NSD2: variants seen among roughly 807,000 people sequenced by gnomAD.
NSD2 encodes the protein histone-lysine N-methyltransferase NSD2.
In NSD2, 12 loss-of-function variants were observed where a neutral mutation model predicts 139.0. That is an observed-to-expected ratio of 0.09 (90% confidence interval 0.06 to 0.14). NSD2 has a LOEUF of 0.14. Among genes scored for constraint, NSD2 ranks in the 10% least tolerant of loss-of-function variants. The pLI, the probability that NSD2 is intolerant of heterozygous loss-of-function variation, is 1.00. For missense variants in NSD2, 1,155 were observed against 1,745.0 expected (o/e 0.66, Z 6.02); for synonymous variants, 669 against 648.7 (o/e 1.03, Z -0.48).
chr4:1,959,747 G>A lies in NSD2; in HGVS notation c.3255+7G>A, dbSNP rs370075112. On this transcript the variant is annotated splice_region_variant and intron_variant, in intron 17 of 21. Transcript: ENST00000508803. ...CAAGAGGGACATCAGAAAGGTATGT[G>A]TCGTTATCCCCTCCCCTGCTTTTGA... 50 of 1,609,212 alleles carry A rather than the reference G, an allele frequency of 3.1e-5. No homozygotes were observed. The highest frequency in any genetic ancestry group is 3.7e-5 in the Non-Finnish European group (44 of 1,175,858).
chr4:1,941,830 T>A, intron 9 of NSD2: 1 of 1,054,670 alleles, frequency 9.5e-7, no homozygotes, highest in Non-Finnish European at 1.1e-6. Context: ...CTATTATATA[T>A]TAACGCGACT....
chr4:1,896,165 A>T (rs1716267965), intron 1 of NSD2, among the ~76,000 whole-genome samples: 1 of 152,220 alleles, frequency 6.6e-6, no homozygotes, highest in African/African-American at 2.4e-5. Context: ...TAATCACGGC[A>T]GCCAGCTGCT....
intron 18 of NSD2, among the ~76,000 whole-genome samples, chr4:1,969,921 A>G (rs1350833649): frequency 1.3e-5 from 2 of 152,206 alleles, no homozygotes; most frequent in Non-Finnish European, 2.9e-5. Flanking sequence ...AAAGAAAATT[A>G]TTTTCTAAGC....
At chr4:1,965,800 A>G (rs1351932300) in intron 18 of NSD2, among the ~76,000 whole-genome samples, 1 of 152,200 alleles carries the variant, frequency 6.6e-6, no homozygotes, top group African/African-American at 2.4e-5. Context: ...AGAGCCCAGG[A>G]AAAACTACCA....
At chr4:1,946,186 G>T in intron 9 of NSD2, 2 of 1,020,138 alleles carry the variant, frequency 2.0e-6, no homozygotes, top group East Asian at 6.6e-5. Context: ...ATTAGAAAAG[G>T]TTTCTTAAAA....
rs146198922 is a variant in NSD2 at position 1,956,956 on chromosome 4, TAA to T, written c.2881+770_2881+771del. Among the ~76,000 whole-genome samples the T allele has an allele frequency of 4.4e-4, 67 of 152,308 alleles. 1 individual carries two copies. In the East Asian group the frequency reaches 0.011, roughly 26 times the overall value. On this transcript the variant is annotated intron_variant, in intron 15 of 21. Transcript: ENST00000508803. The surrounding 1 kb of genome is among the most constrained non-coding windows in gnomAD (Gnocchi z 5.3). The stretch of plus-strand genomic sequence containing the variant: ...GCATGGTGGGCATTCAGAGATCTCA[TAA>T]AGAATGGGTAGGCATTGAAAGATTT...
chr4:1,970,218 C>CA (rs1013369594), intron 18 of NSD2, among the ~76,000 whole-genome samples: 57 of 151,814 alleles, frequency 3.8e-4, no homozygotes, highest in African/African-American at 1.0e-3. Flanking sequence ...GATACCCAGG[C>CA]AAAAAAACAA....
At position 1,958,115 on chromosome 4, in the gene NSD2, G is replaced by A. The variant is rs865953282; in HGVS notation, c.2985+79G>A. ...GTGAGAGGTTCTTAGGCACACCCAG[G>A]CTATGGCTGGGGAGAGGACTGTCAC... On this transcript the variant is annotated intron_variant, in intron 16 of 21. Coordinates refer to ENST00000508803, the MANE Select transcript of NSD2 (RefSeq NM_001042424.3). The surrounding 1 kb of genome is among the most constrained non-coding windows in gnomAD (Gnocchi z 4.6). 6.9e-4 allele frequency: 979 copies of A among 1,418,626 alleles called. 19 individuals are homozygous for A. Among genetic ancestry groups the A allele is most frequent in the Middle Eastern group, 2.5e-4 (1 of 4,050 alleles). The allele number at this position is 1,418,626 out of a possible 1,614,324, so 87.9% of individuals were successfully genotyped here. A position where few individuals can be genotyped will look rare whatever the true frequency, so the allele number is the denominator to read the frequency against.
chr4:1,976,326 G>C lies in NSD2; in HGVS notation c.3622-149G>C, dbSNP rs1727076183. On this transcript the variant is annotated intron_variant, in intron 20 of 21. Coordinates refer to ENST00000508803, the MANE Select transcript of NSD2 (RefSeq NM_001042424.3). This position sits in a 1 kb window ranked among gnomAD's most constrained non-coding sequence, Gnocchi z 5.3. ...GAGTGAGTCTAAGGATGTCTGGGGAGCACGAGGAGGACACTCCTCTCCTCT... is the reference window on the plus strand; with the variant it reads ...GAGTGAGTCTAAGGATGTCTGGGGACCACGAGGAGGACACTCCTCTCCTCT... 1.3e-6 allele frequency: 1 copy of C among 793,520 alleles called. No homozygotes were observed. The highest frequency in any genetic ancestry group is 1.8e-5 in the South Asian group (1 of 55,738). 49.2% of individuals were successfully genotyped at this position (793,520 alleles called of 1,614,324 possible).
In NSD2 at chr4:1,916,923, A is replaced by C; in HGVS notation, c.813A>C (p.Pro271=). 6.2e-7 allele frequency: 1 copy of C among 1,614,206 alleles called. No individual in the cohort carries two copies. The highest frequency in any genetic ancestry group is 8.5e-7 in the Non-Finnish European group (1 of 1,180,026). Residue 271 remains proline, a synonymous_variant, in exon 4 of 22, where the codon CCA becomes CCC. Coordinates refer to ENST00000508803, the MANE Select transcript of NSD2 (RefSeq NM_001042424.3). ...QYHVQFFGDA[P]ERAWIFEKSL... is the part of the protein sequence containing the mutation. ...ACGTACAGTTCTTTGGTGACGCCCC[A>C]GAAAGAGCTTGGATATTTGAGAAGA...
chr4:1,944,331 T>C, intron 9 of NSD2: 2 of 1,066,226 alleles, frequency 1.9e-6, no homozygotes, highest in Non-Finnish European at 2.3e-6. Flanking sequence ...TTGCCAAGAG[T>C]ACAGAAATTC....
chr4:1,880,780 AG>A (rs1714642393), intron 1 of NSD2, among the ~76,000 whole-genome samples: 1 of 152,230 alleles, frequency 6.6e-6, no homozygotes, highest in African/African-American at 2.4e-5. Flanking sequence ...GGAAAAATGA[AG>A]GGGACTGATG....
Position 1,972,902 on chromosome 4 carries a change from G to C in NSD2, c.3373-1961G>C, listed in dbSNP as rs548957730. Among the ~76,000 whole-genome samples, 67 of 152,190 alleles carry C rather than the reference G, an allele frequency of 4.4e-4. 2 individuals carry two copies. The highest frequency in any genetic ancestry group is 2.2e-3 in the Admixed American group (34 of 15,288). On this transcript the variant is annotated intron_variant, in intron 18 of 21. Transcript: ENST00000508803. The surrounding 1 kb of genome is among the most constrained non-coding windows in gnomAD (Gnocchi z 4.0). ...GAGTCTCACTCTGTCGCCTAGGCTG[G>C]AGTTCAGTGGCACAATCTCAGCTCA... is the stretch of plus-strand genomic sequence containing the variant.
chr4:1,915,380 C>A (rs763158326), intron 3 of NSD2, among the ~76,000 whole-genome samples: 10 of 152,162 alleles, frequency 6.6e-5, no homozygotes, highest in Admixed American at 2.6e-4. Context: ...TCCCAAAGTG[C>A]TGGGATTACA....
In NSD2 at chr4:1,978,751, A is replaced by G. The variant is rs1418175764; in HGVS notation, c.3940A>G (p.Ser1314Gly). Residue 1314 changes from serine (S) to glycine (G), a missense_variant, in exon 22 of 22, where the codon AGC (serine) becomes GGC (glycine). Physicochemically the swap from Ser to Gly is moderately conservative, Grantham distance 56 (BLOSUM62 0). Around this residue, in one of 8 missense-constraint regions of NSD2, gnomAD observed 132 missense variants for 94.3 expected, o/e 1.40. Coordinates refer to ENST00000508803, the MANE Select transcript of NSD2 (RefSeq NM_001042424.3). ...CKEHQDGTAFSCTPDGRSYCC... is the reference protein window; with the variant it reads ...CKEHQDGTAFGCTPDGRSYCC... ...GGAGCACCAGGACGGGACAGCCTTC[A>G]GCTGCACCCCGGACGGGCGGTCCTA... The G allele has an allele frequency of 1.2e-6, 2 of 1,614,028 alleles. No individual in the cohort carries two copies. The highest frequency in any genetic ancestry group is 1.7e-6 in the Non-Finnish European group (2 of 1,180,016).
intron 5 of NSD2, among the ~76,000 whole-genome samples, chr4:1,920,758 G>A (rs1254459119): frequency 1.3e-5 from 2 of 152,016 alleles, no homozygotes; most frequent in East Asian, 3.9e-4. Flanking sequence ...GAAAGGCCGA[G>A]TGTGGCAGCT....
In NSD2 at chr4:1,979,044, A is replaced by C. The variant is rs1347745578; in HGVS notation, c.*135A>C. 4.3e-6 allele frequency: 5 copies of C among 1,171,832 alleles called. No individual in the cohort carries two copies. Among genetic ancestry groups the C allele is most frequent in the Non-Finnish European group, 4.6e-6 (4 of 874,410 alleles). 72.6% of individuals were successfully genotyped at this position (1,171,832 alleles called of 1,614,324 possible). On this transcript the variant is annotated 3_prime_UTR_variant, in exon 22 of 22. Coordinates refer to ENST00000508803, the MANE Select transcript of NSD2 (RefSeq NM_001042424.3). ...ACACAGACGTACAGGCCTCCTCGGG[A>C]GGGAGCGCCTCCCCACCACTGAGCC...
intron 6 of NSD2, 136 bp from the exon 7 acceptor site, chr4:1,935,008 G>A: frequency 2.0e-6 from 1 of 498,950 alleles, no homozygotes; most frequent in Non-Finnish European, 3.5e-6. Context: ...CATAAGCCCT[G>A]GAAATCAGCA....
chr4:1,943,807 A>G (rs765868871), intron 9 of NSD2: 45 of 1,062,220 alleles, frequency 4.2e-5, no homozygotes, highest in Non-Finnish European at 5.1e-5. Flanking sequence ...CAGTCACCCA[A>G]AGTAAAGACT....
Sources: allele counts gnomAD v4.1 joint callset (sites outside exome capture counted in the v4.1 genomes callset), GRCh38; gene constraint gnomAD v4.1.1; regional missense constraint gnomAD v4.1.1; non-coding constraint Gnocchi (gnomAD v3.1); transcripts MANE v1.5; gene names NCBI Gene and HGNC (gene_info 2026-07-23, HGNC 2026-07-21).